The following GABRR2 variants were observed in gnomAD, a reference collection of about 807,000 sequenced individuals.
The protein encoded by GABRR2 is gamma-aminobutyric acid receptor subunit rho-2.
GABRR2 carries 36 observed loss-of-function variants against 47.0 expected under a neutral mutation model. That is an observed-to-expected ratio of 0.77 (90% CI 0.59 to 1.01). GABRR2 has a LOEUF of 1.01. GABRR2 is among the 50% of genes least tolerant of loss of function. The pLI is 0.00. For synonymous variants in GABRR2, 204 were observed against 227.5 expected (o/e 0.90, Z 0.93); for missense variants, 587 against 594.6 (o/e 0.99, Z 0.13).
rs376233796 is a variant in GABRR2 at position 89,264,578 on chromosome 6, A to T, written c.920T>A (p.Ile307Asn). The T allele has an allele frequency of 3.3e-5, 54 of 1,614,016 alleles. No individual in the cohort carries two copies. The highest frequency in any genetic ancestry group is 4.2e-5 in the Non-Finnish European group (50 of 1,180,038). The change falls in exon 8 of 9, where the codon ATC becomes AAC. Residue 307 changes from isoleucine to asparagine, a missense_variant. Transcript: ENST00000402938. ...CATGGAGGCATTCACGCCCGTGATGATGGTGGTCATGGTCAGCACCGTCGT... is the reference window on the plus strand; with the variant it reads ...CATGGAGGCATTCACGCCCGTGATGTTGGTGGTCATGGTCAGCACCGTCGT... ...GITTVLTMTT[I>N]ITGVNASMPR...
intron 3 of GABRR2, 175 bp from the exon 4 acceptor site, chr6:89,269,409 A>AT: frequency 1.7e-6 from 1 of 604,068 alleles, no homozygotes; most frequent in African/African-American, 1.8e-5. Flanking sequence ...AGAATAGCTC[A>AT]TTTTTATGCA....
chr6:89,277,449 T>C (rs568887248), intron 2 of GABRR2, among the ~76,000 whole-genome samples: 15 of 152,252 alleles, frequency 9.9e-5, no homozygotes, highest in Non-Finnish European at 5.9e-5. Flanking sequence ...GTATACAGAA[T>C]ATATAAATAA....
chr6:89,269,070 G>A lies in GABRR2; in HGVS notation c.453C>T (p.Thr151=), dbSNP rs747240789. The A allele has an allele frequency of 6.2e-7, 1 of 1,614,010 alleles. No homozygotes were observed. Among genetic ancestry groups the A allele is most frequent in the Non-Finnish European group, 8.5e-7 (1 of 1,179,892 alleles). ...VHSKRSFTHD[T]TTDNIMLRVF... is the part of the protein sequence containing the mutation. ...CCCTCAGCATGATGTTGTCAGTGGTGGTGTCATGAGTGAACGATCTTTTGG... is the reference window on the plus strand; with the variant it reads ...CCCTCAGCATGATGTTGTCAGTGGTAGTGTCATGAGTGAACGATCTTTTGG... The change falls in exon 4 of 9, where the codon ACC becomes ACT. Residue 151 remains threonine, a synonymous_variant. Transcript: ENST00000402938.
intron 1 of GABRR2, among the ~76,000 whole-genome samples, chr6:89,311,615 A>G (rs80333771): frequency 6.3e-4 from 96 of 152,208 alleles, no homozygotes; most frequent in African/African-American, 2.2e-3. Flanking sequence ...AAGAAGAAAA[A>G]TGGATCCACT....
rs755020378 is a variant in GABRR2, at chr6:89,299,750, C to T, written c.220+9G>A. On this transcript the variant is annotated intron_variant, in intron 2 of 8. Coordinates refer to ENST00000402938, the MANE Select transcript of GABRR2 (RefSeq NM_002043.5). Reference sequence around the variant, plus strand: ...CCTCCCACCTGGCATCAAGGAAGAACAGTCCTACCTCCGAAGGCGGGTCTC... The same window carrying T: ...CCTCCCACCTGGCATCAAGGAAGAATAGTCCTACCTCCGAAGGCGGGTCTC... 15 of 1,602,488 alleles carry T rather than the reference C, an allele frequency of 9.4e-6. No individual in the cohort carries two copies. The South Asian group carries it at 9.9e-5, about 11-fold the overall frequency.
intron 2 of GABRR2, among the ~76,000 whole-genome samples, chr6:89,283,272 T>G (rs1283346823): frequency 6.6e-6 from 1 of 152,162 alleles, no homozygotes; most frequent in Non-Finnish European, 1.5e-5. Context: ...AAGAGTTTTT[T>G]CCATATCTAT....
intron 2 of GABRR2, among the ~76,000 whole-genome samples, chr6:89,291,265 C>T (rs1397323235): frequency 6.6e-6 from 1 of 152,086 alleles, no homozygotes; most frequent in Admixed American, 6.5e-5. Context: ...CTGAAGGGCC[C>T]AGCCCGTGCC....
rs1053690286 is a variant in GABRR2, at chr6:89,279,079, C to T, written c.221-7357G>A. 3.3e-5 allele frequency among the ~76,000 whole-genome samples: 5 copies of T among 152,158 alleles called. No individual in the cohort carries two copies. In the East Asian group the frequency reaches 5.8e-4, roughly 18 times the overall value. Reference sequence around the variant, plus strand: ...GAAGTGGATGATAAGCCCGAGAAACCGCCATGCCCTGTGCATGGGCTGCAA... The same window carrying T: ...GAAGTGGATGATAAGCCCGAGAAACTGCCATGCCCTGTGCATGGGCTGCAA... On this transcript the variant is annotated intron_variant, in intron 2 of 8. Coordinates refer to ENST00000402938, the MANE Select transcript of GABRR2 (RefSeq NM_002043.5).
Position 89,305,221 on chromosome 6 carries a change from G to GGT in GABRR2, c.114-5358_114-5357dup, listed in dbSNP as rs1246051577. On this transcript the variant is annotated intron_variant, in intron 1 of 8. Coordinates refer to ENST00000402938, the MANE Select transcript of GABRR2 (RefSeq NM_002043.5). ...ACTACAGAAATGAGCTGGGCATAGT[G>GGT]GTGTATGTCTGTAATCCCAGCTACA... 4.6e-5 allele frequency among the ~76,000 whole-genome samples: 7 copies of GGT among 152,272 alleles called. No homozygotes were observed. In the East Asian group the frequency reaches 1.3e-3, roughly 29 times the overall value.
Position 89,267,790 on chromosome 6 carries a change from A to G in GABRR2, c.625T>C (p.Tyr209His). The G allele has an allele frequency of 6.2e-7, 1 of 1,613,832 alleles. No homozygotes were observed. The highest frequency in any genetic ancestry group is 8.5e-7 in the Non-Finnish European group (1 of 1,179,838). The change falls in exon 6 of 9, where the codon TAC (tyrosine) becomes CAC (histidine). Residue 209 changes from tyrosine to histidine, a missense_variant. Tyr to His is a moderately conservative substitution (Grantham distance 83). Coordinates refer to ENST00000402938, the MANE Select transcript of GABRR2 (RefSeq NM_002043.5). ...YAYTDEDLML[Y>H]WKNGDESLKT... ...AGGGATTCATCCCCATTCTTCCAGT[A>G]CAGCATTAGATCTTCATCTGTATAG...
chr6:89,258,002 G>A (rs947716667), intron 8 of GABRR2, 21 bp from the exon 9 acceptor site: 4 of 1,605,710 alleles, frequency 2.5e-6, no homozygotes, highest in Non-Finnish European at 3.4e-6. Context: ...CAAGCACAAA[G>A]AACATCATTA....
chr6:89,296,753 A>T (rs1359792597), intron 2 of GABRR2, among the ~76,000 whole-genome samples: 7 of 152,148 alleles, frequency 4.6e-5, no homozygotes, highest in African/African-American at 1.7e-4. Context: ...CGTGATGGGG[A>T]CTGTGGCGTG....
intron 7 of GABRR2, among the ~76,000 whole-genome samples, chr6:89,265,026 TTCCCAGAGG>T (rs1375163460): frequency 5.9e-5 from 9 of 152,108 alleles, no homozygotes; most frequent in Admixed American, 3.3e-4. Flanking sequence ...ACTGTGGAAA[TTCCCAGAGG>T]CCCATCATGC....
intron 3 of GABRR2, 106 bp from the exon 4 acceptor site, chr6:89,269,340 A>G (rs1481177789): frequency 2.4e-6 from 2 of 841,352 alleles, no homozygotes; most frequent in East Asian, 2.5e-5. Flanking sequence ...CTCAGCATCC[A>G]GATTCAGAGG....
chr6:89,276,443 A>C (rs1189451932), intron 2 of GABRR2, among the ~76,000 whole-genome samples: 1 of 152,118 alleles, frequency 6.6e-6, no homozygotes, highest in Non-Finnish European at 1.5e-5. Flanking sequence ...TAATTGCAGA[A>C]AAGCGTTTGT....
At chr6:89,280,713 G>A (rs115653031) in intron 2 of GABRR2, among the ~76,000 whole-genome samples, 1,629 of 152,348 alleles carry the variant, frequency 0.011, 29 homozygotes, top group African/African-American at 0.035. Flanking sequence ...AAAGGTGGAA[G>A]CCAGCAGCAG....
In GABRR2 at chr6:89,264,438, G is replaced by C; in HGVS notation, c.1060C>G (p.Arg354Gly). 1 of 1,613,760 alleles carries C rather than the reference G, an allele frequency of 6.2e-7. No homozygotes were observed. The highest frequency in any genetic ancestry group is 1.1e-5 in the South Asian group (1 of 91,048). ...TTCTCCCGCAGCTTCCGTTCCTTGC[G>C]CTCCTGCACGGTGGTCAGGTAGTTG... ...AVNYLTTVQE[R>G]KERKLREKFP... Residue 354 changes from arginine to glycine, a missense_variant, in exon 8 of 9, where the codon CGC (arginine) becomes GGC (glycine). Arg to Gly is a moderately radical substitution (Grantham distance 125). Transcript: ENST00000402938.
chr6:89,293,422 T>G (rs1440417049), intron 2 of GABRR2, among the ~76,000 whole-genome samples: 3 of 152,194 alleles, frequency 2.0e-5, no homozygotes, highest in Non-Finnish European at 4.4e-5. Flanking sequence ...GCCACTGAAC[T>G]GTACACTCAA....
chr6:89,302,105 G>A (rs1767452635), intron 1 of GABRR2: 1 of 616,882 alleles, frequency 1.6e-6, no homozygotes. Flanking sequence ...CTACACGGAG[G>A]GTGCGGAGCT....
Sources: gnomAD v4.1 joint callset for allele counts (sites outside exome capture counted in the v4.1 genomes callset) on GRCh38, gnomAD v4.1.1 for gene constraint, MANE v1.5 for transcripts, NCBI Gene and HGNC (gene_info 2026-07-23, HGNC 2026-07-21) for gene names.